Variants in CEP112 observed in about 807,000 individuals in gnomAD.
CEP112 encodes the protein centrosomal protein of 112 kDa.
A neutral mutation model predicts 153.0 loss-of-function variants in CEP112; 127 were observed. The ratio of observed to expected loss-of-function variants is 0.83; its 90% confidence interval spans 0.72 to 0.96. The LOEUF is 0.96. Ranked by LOEUF, CEP112 falls within the 40% of genes least tolerant of loss-of-function variation. The pLI, the probability that CEP112 is intolerant of heterozygous loss-of-function variation, is 0.00. For synonymous variants in CEP112, 358 were observed against 374.4 expected, an observed-to-expected ratio of 0.96 and a Z score of 0.51; for missense variants, 1,089 against 1,101.2, an observed-to-expected ratio of 0.99 and a Z score of 0.16.
In CEP112 at chr17:65,689,636, C is replaced by T. The variant is rs932757043; in HGVS notation, c.2608-418G>A. Among the ~76,000 whole-genome samples the T allele has an allele frequency of 2.6e-4, 40 of 152,060 alleles. 1 individual carries two copies. Among genetic ancestry groups the T allele is most frequent in the Admixed American group, 2.6e-3 (40 of 15,270 alleles). On this transcript the variant is annotated intron_variant, in intron 23 of 26. Transcript: ENST00000535342. The stretch of plus-strand genomic sequence containing the variant: ...AATATCTGACCAGCATAACATTTTT[C>T]AAAATTATATTATGATAATTTGAGT...
rs74692751 is a variant in CEP112, at chr17:65,776,929, T to C, written c.2395-26205A>G. On this transcript the variant is annotated intron_variant, in intron 21 of 26. Coordinates refer to ENST00000535342, the MANE Select transcript of CEP112 (RefSeq NM_001199165.4). ...TGCCAATGTAATAAGAATAGTTTCT[T>C]ATTTTAATTTGTATTTATTTCTGAG... Among the ~76,000 whole-genome samples the C allele has an allele frequency of 2.1e-3, 317 of 152,342 alleles. 11 individuals carry two copies. In the East Asian group the frequency reaches 0.056, roughly 27 times the overall value.
chr17:65,828,180 T>C (rs1357089326), intron 21 of CEP112, among the ~76,000 whole-genome samples: 1 of 152,202 alleles, frequency 6.6e-6, no homozygotes, highest in Non-Finnish European at 1.5e-5. Flanking sequence ...GCAATGGGTG[T>C]GTGCCATTAG....
chr17:66,065,537 A>G (rs1019664888), intron 10 of CEP112, among the ~76,000 whole-genome samples: 3 of 152,162 alleles, frequency 2.0e-5, no homozygotes, highest in Non-Finnish European at 4.4e-5. Flanking sequence ...CTTTACATCC[A>G]GCATCTACAG....
At chr17:65,760,843 T>C (rs1366326839) in intron 21 of CEP112, among the ~76,000 whole-genome samples, 1 of 152,138 alleles carries the variant, frequency 6.6e-6, no homozygotes, top group African/African-American at 2.4e-5. Flanking sequence ...CCTTAAAAGT[T>C]TGGCAGAATT....
At chr17:65,874,538 A>G (rs1195535231) in intron 20 of CEP112, among the ~76,000 whole-genome samples, 2 of 152,120 alleles carry the variant, frequency 1.3e-5, no homozygotes. Flanking sequence ...AGATGAAGGT[A>G]CTTCCCATGT....
chr17:65,916,024 T>C (rs956137914), intron 19 of CEP112, among the ~76,000 whole-genome samples: 2 of 152,172 alleles, frequency 1.3e-5, no homozygotes, highest in South Asian at 2.1e-4. Context: ...GTTCTTTCCT[T>C]ACCTCAGGTT....
chr17:65,752,443 C>T (rs1304667439), intron 21 of CEP112, among the ~76,000 whole-genome samples: 1 of 152,168 alleles, frequency 6.6e-6, no homozygotes, highest in Non-Finnish European at 1.5e-5. Flanking sequence ...CAGCACAAAT[C>T]TGATGGCCAG....
intron 17 of CEP112, among the ~76,000 whole-genome samples, chr17:66,002,131 T>C (rs575158461): frequency 1.4e-4 from 21 of 152,306 alleles, no homozygotes; most frequent in Non-Finnish European, 2.9e-4. Context: ...CAATCCTCCT[T>C]CTTAAATAAT....
At chr17:65,913,880 T>G in intron 19 of CEP112, 1 of 985,294 alleles carries the variant, frequency 1.0e-6, no homozygotes, top group Non-Finnish European at 1.2e-6. Context: ...CATTTAACAC[T>G]TCAAAACACT....
At chr17:65,811,154 G>A (rs1453848377) in intron 21 of CEP112, among the ~76,000 whole-genome samples, 1 of 152,220 alleles carries the variant, frequency 6.6e-6, no homozygotes, top group East Asian at 1.9e-4. Flanking sequence ...CCATGGTCAA[G>A]TGTTTAGATA....
chr17:65,951,569 T>C (rs1289319931), intron 18 of CEP112, among the ~76,000 whole-genome samples: 1 of 152,160 alleles, frequency 6.6e-6, no homozygotes, highest in Non-Finnish European at 1.5e-5. Context: ...AATAGTGGTA[T>C]CCTATCCTTT....
rs149064990 is a variant in CEP112 at position 65,981,269 on chromosome 17, T to C, written c.1737-19671A>G. Among the ~76,000 whole-genome samples the C allele has an allele frequency of 9.4e-3, 1,427 of 152,318 alleles. 7 individuals are homozygous for C. The highest frequency in any genetic ancestry group is 0.014 in the Non-Finnish European group (951 of 68,018). Reference sequence around the variant, plus strand: ...TTCAGGATATAACTTGGGAACACCATTAGGAAGAGATCTACTATTAAAATT... The same window carrying C: ...TTCAGGATATAACTTGGGAACACCACTAGGAAGAGATCTACTATTAAAATT... On this transcript the variant is annotated intron_variant, in intron 17 of 26. Coordinates refer to ENST00000535342, the MANE Select transcript of CEP112 (RefSeq NM_001199165.4).
chr17:65,682,176 TAG>T (rs991333488), intron 24 of CEP112, among the ~76,000 whole-genome samples: 7 of 150,456 alleles, frequency 4.7e-5, no homozygotes, highest in Non-Finnish European at 1.0e-4. Context: ...GTATTTTTAG[TAG>T]AGACAGGGTT....
chr17:66,132,214 A>T (rs1465508770), intron 5 of CEP112, among the ~76,000 whole-genome samples: 1 of 138,350 alleles, frequency 7.2e-6, no homozygotes, highest in Non-Finnish European at 1.5e-5. Context: ...AGCTAACTGG[A>T]GTGCTCATTA....
chr17:65,901,992 G>GGGT (rs2059874953), intron 20 of CEP112, among the ~76,000 whole-genome samples, 160 bp downstream of exon 20: 1 of 42,548 alleles, frequency 2.4e-5, no homozygotes, highest in Non-Finnish European at 4.7e-5. Flanking sequence ...ACGGGGGGGG[G>GGGT]GGGGGGTGGG....
At position 65,885,764 on chromosome 17, in the gene CEP112, G is replaced by T. The variant is rs549464147; in HGVS notation, c.2163+16388C>A. Among the ~76,000 whole-genome samples the T allele has an allele frequency of 2.2e-4, 34 of 152,300 alleles. No homozygotes were observed. In the South Asian group the frequency reaches 4.4e-3, roughly 20 times the overall value. On this transcript the variant is annotated intron_variant, in intron 20 of 26. Transcript: ENST00000535342. ...AGCTTGGCCCAGACTAGCCTGTCCT[G>T]CAGTGACAGGTATATTGAATACAAA... is the stretch of plus-strand genomic sequence containing the variant.
chr17:65,652,894 G>A (rs2045860501), intron 24 of CEP112, among the ~76,000 whole-genome samples: 1 of 152,156 alleles, frequency 6.6e-6, no homozygotes, highest in South Asian at 2.1e-4. Flanking sequence ...CAGTTCTGGA[G>A]GCTGAAAGTC....
chr17:66,111,712 G>A (rs567222433), intron 6 of CEP112, among the ~76,000 whole-genome samples: 5 of 152,202 alleles, frequency 3.3e-5, no homozygotes, highest in Admixed American at 6.5e-5. Context: ...TACTTGAGAG[G>A]GGAGGGTGGG....
intron 4 of CEP112, among the ~76,000 whole-genome samples, chr17:66,160,856 A>C (rs931160629): frequency 6.6e-6 from 1 of 152,174 alleles, no homozygotes; most frequent in Admixed American, 6.5e-5. Context: ...AATTAAACTA[A>C]AGAGCTTCTG....
Sources: gnomAD v4.1 joint callset for allele counts (sites outside exome capture counted in the v4.1 genomes callset) on GRCh38, gnomAD v4.1.1 for gene constraint, MANE v1.5 for transcripts, NCBI Gene and HGNC (gene_info 2026-07-23, HGNC 2026-07-21) for gene names.